COX10: variants seen among roughly 807,000 people sequenced by gnomAD.
COX10 encodes the protein protoheme IX farnesyltransferase, mitochondrial.
Under a neutral mutation model 37.3 loss-of-function variants are expected in COX10, and 27 were observed. The ratio of observed to expected loss-of-function variants is 0.72; its 90% CI spans 0.53 to 1.00. COX10 has a LOEUF of 1.00. Among genes scored for constraint, COX10 ranks in the 50% least tolerant of loss-of-function variants. The probability of loss-of-function intolerance (pLI) is 0.00; values close to 1 mark genes in which losing one functional copy is unlikely to be tolerated. For synonymous variants in COX10, 222 were observed against 229.1 expected (o/e 0.97, Z 0.28); for missense variants, 475 against 563.2 (o/e 0.84, Z 1.59).
chr17:14,188,099 CTTCT>C (rs1906089381), intron 5 of COX10, among the ~76,000 whole-genome samples: 2 of 56,434 alleles, frequency 3.5e-5, no homozygotes, highest in Middle Eastern at 8.5e-3. Context: ...CAACCTTCTT[CTTCT>C]TTTTTTTTTT....
chr17:14,182,026 C>G, intron 5 of COX10: 1 of 979,714 alleles, frequency 1.0e-6, no homozygotes. Flanking sequence ...TACAGGCAAT[C>G]TTTCTTCTCA....
chr17:14,172,052 G>T (rs1905486544), intron 5 of COX10, among the ~76,000 whole-genome samples: 2 of 152,068 alleles, frequency 1.3e-5, no homozygotes, highest in South Asian at 4.1e-4. Context: ...TTTTGCGTGG[G>T]TTATTACAGC....
chr17:14,188,532 A>G (rs188720594), intron 5 of COX10, among the ~76,000 whole-genome samples: 2,633 of 151,962 alleles, frequency 0.017, 50 homozygotes, highest in Middle Eastern at 0.044. Flanking sequence ...ACACTTTGGT[A>G]AGCAGTGATA....
rs1915566552 is a variant in COX10, at chr17:14,093,218, A to G, written c.500-8900A>G. Reference sequence around the variant, plus strand: ...TTTTATCAGAATTGATAGTTATCCAACTTGATTTTTTGGACTTTTGTTTTT... The same window carrying G: ...TTTTATCAGAATTGATAGTTATCCAGCTTGATTTTTTGGACTTTTGTTTTT... On this transcript the variant is annotated intron_variant, in intron 3 of 6. Transcript: ENST00000261643. Among the ~76,000 whole-genome samples, 3 of 152,192 alleles carry G rather than the reference A, an allele frequency of 2.0e-5. No homozygotes were observed. In the South Asian group the frequency reaches 6.2e-4, roughly 31 times the overall value.
chr17:14,202,041 A>G (rs1428754840), intron 6 of COX10, among the ~76,000 whole-genome samples: 1 of 151,992 alleles, frequency 6.6e-6, no homozygotes, highest in Non-Finnish European at 1.5e-5. Flanking sequence ...ACTCACTGCC[A>G]AGAAAAAATG....
chr17:14,133,632 T>C (rs933378396), intron 4 of COX10, among the ~76,000 whole-genome samples: 6 of 151,638 alleles, frequency 4.0e-5, no homozygotes, highest in African/African-American at 1.4e-4. Context: ...CTGCCATCAC[T>C]ACCAACACCA....
intron 4 of COX10, among the ~76,000 whole-genome samples, chr17:14,135,234 T>C (rs938493381): frequency 6.6e-5 from 10 of 151,922 alleles, no homozygotes; most frequent in African/African-American, 2.4e-4. Flanking sequence ...ATCTTTTTCT[T>C]TATCTGGGTA....
At chr17:14,075,370 TTGTGA>T (rs1179668135) in intron 2 of COX10, among the ~76,000 whole-genome samples, 1 of 152,124 alleles carries the variant, frequency 6.6e-6, no homozygotes, top group Non-Finnish European at 1.5e-5. Context: ...TTTCAAATCT[TTGTGA>T]TGTGATGGAA....
chr17:14,207,457 A>G lies in COX10; in HGVS notation c.*244A>G, dbSNP rs944123418. On this transcript the variant is annotated 3_prime_UTR_variant, in exon 7 of 7. Transcript: ENST00000261643. ...ATTATTTTTCCCTTTGAGGGTCTTT[A>G]TACATCTCTCCTCCAACCCCACCCT... is the stretch of plus-strand genomic sequence containing the variant. The G allele has an allele frequency of 9.3e-6, 5 of 536,846 alleles. No homozygotes were observed. The highest frequency in any genetic ancestry group is 7.6e-5 in the African/African-American group (4 of 52,510). 33.3% of individuals were successfully genotyped at this position (536,846 alleles called of 1,614,324 possible). A position where few individuals can be genotyped will look rare whatever the true frequency, so the allele number is the denominator to read the frequency against.
chr17:14,078,224 A>G (rs749276526), intron 3 of COX10, among the ~76,000 whole-genome samples: 8 of 152,158 alleles, frequency 5.3e-5, no homozygotes, highest in Non-Finnish European at 1.2e-4. Flanking sequence ...TGTCATTTAC[A>G]CAAGTGGCCT....
chr17:14,103,630 G>C (rs1915833544), intron 4 of COX10, among the ~76,000 whole-genome samples: 1 of 152,024 alleles, frequency 6.6e-6, no homozygotes. Context: ...GTTTGAGTTG[G>C]AGCTGCTCCT....
intron 5 of COX10, among the ~76,000 whole-genome samples, chr17:14,183,719 T>A (rs1597541133): frequency 2.0e-5 from 3 of 152,406 alleles, no homozygotes; most frequent in Non-Finnish European, 2.9e-5. Flanking sequence ...GGAAACAATT[T>A]ATGGCAAGTT....
chr17:14,136,086 TAAG>T (rs1395356522), intron 4 of COX10, among the ~76,000 whole-genome samples: 3 of 152,134 alleles, frequency 2.0e-5, no homozygotes, highest in Admixed American at 2.0e-4. Context: ...TGATTGATTT[TAAG>T]AAGCTAAGGA....
intron 4 of COX10, among the ~76,000 whole-genome samples, chr17:14,131,976 A>G (rs1567598349): frequency 6.6e-6 from 1 of 152,006 alleles, no homozygotes; most frequent in African/African-American, 2.4e-5. Flanking sequence ...CCTACTTACT[A>G]GAAGTTTCTT....
At chr17:14,122,674 G>T (rs973640935) in intron 4 of COX10, among the ~76,000 whole-genome samples, 1 of 152,170 alleles carries the variant, frequency 6.6e-6, no homozygotes, top group Non-Finnish European at 1.5e-5. Flanking sequence ...GGCGATTGGT[G>T]CCAAGATCTC....
intron 4 of COX10, among the ~76,000 whole-genome samples, chr17:14,118,382 CTTTT>C (rs1056373599): frequency 6.6e-6 from 1 of 152,004 alleles, no homozygotes; most frequent in African/African-American, 2.4e-5. Flanking sequence ...TTTTCCAAGA[CTTTT>C]TTAGTCTTTT....
chr17:14,198,881 T>G (rs1906446304), intron 6 of COX10, among the ~76,000 whole-genome samples: 1 of 152,188 alleles, frequency 6.6e-6, no homozygotes, highest in African/African-American at 2.4e-5. Context: ...AAAATGAGTA[T>G]CTGTGTCTGT....
intron 4 of COX10, among the ~76,000 whole-genome samples, chr17:14,149,541 A>C (rs1418831487): frequency 6.6e-6 from 1 of 152,114 alleles, no homozygotes; most frequent in Non-Finnish European, 1.5e-5. Flanking sequence ...TAGTCACCTC[A>C]TTCCTTGGCC....
intron 3 of COX10, among the ~76,000 whole-genome samples, chr17:14,101,613 C>G (rs938191856): frequency 6.6e-6 from 1 of 152,180 alleles, no homozygotes; most frequent in African/African-American, 2.4e-5. Context: ...ACTACGCATT[C>G]TCTGACCGCT....
Sources: allele counts gnomAD v4.1 joint callset (sites outside exome capture counted in the v4.1 genomes callset), GRCh38; gene constraint gnomAD v4.1.1; transcripts MANE v1.5; gene names NCBI Gene and HGNC (gene_info 2026-07-23, HGNC 2026-07-21).